VPS13A: variants seen among roughly 807,000 people sequenced by gnomAD.
VPS13A encodes intermembrane lipid transfer protein VPS13A.
A neutral mutation model predicts 390.9 loss-of-function variants in VPS13A; 264 were observed. The ratio of observed to expected loss-of-function variants is 0.68; its 90% CI spans 0.61 to 0.75. VPS13A has a LOEUF of 0.75. Ranked by LOEUF, VPS13A falls within the 30% of genes least tolerant of loss-of-function variation. The probability of loss-of-function intolerance (pLI) is 0.00; values close to 1 mark genes in which losing one functional copy is unlikely to be tolerated. For missense variants in VPS13A, 3,409 were observed against 3,733.9 expected, an observed-to-expected ratio of 0.91 and a Z score of 2.27; for synonymous variants, 1,231 against 1,227.1, an observed-to-expected ratio of 1.00 and a Z score of -0.07.
At chr9:77,313,275 G>A (rs1394514884) in intron 35 of VPS13A, among the ~76,000 whole-genome samples, 1 of 152,194 alleles carries the variant, frequency 6.6e-6, no homozygotes, top group African/African-American at 2.4e-5. Context: ...TGGCTAGCAA[G>A]TGTTAAGAGG....
At chr9:77,282,364 A>G (rs1827085254) in intron 29 of VPS13A, 90 bp downstream of exon 29, 1 of 1,208,710 alleles carries the variant, frequency 8.3e-7, no homozygotes, top group Non-Finnish European at 1.2e-6. Context: ...ATTAACTTCA[A>G]ATATTGGCTT....
At position 77,207,243 on chromosome 9, in the gene VPS13A, AT is replaced by A. The variant is rs1564630401; in HGVS notation, c.385+1165del. ...TATATATATATATATATATATATATATATATATATAAAACGTGTTATATGTA... is the reference window on the plus strand; with the variant it reads ...TATATATATATATATATATATATATAATATATATAAAACGTGTTATATGTA... On this transcript the variant is annotated intron_variant, in intron 5 of 71. Transcript: ENST00000360280. 1.1e-4 allele frequency among the ~76,000 whole-genome samples: 11 copies of A among 103,228 alleles called. 1 individual carries two copies. Among genetic ancestry groups the A allele is most frequent in the Non-Finnish European group, 1.2e-4 (6 of 48,644 alleles). 67.7% of individuals were successfully genotyped at this position (103,228 alleles called of 152,430 possible). A position where few individuals can be genotyped will look rare whatever the true frequency, so the allele number is the denominator to read the frequency against.
At chr9:77,336,676 TTTTTATATGAAACCATTTATAAGTGTAC>T (rs72320297) in intron 46 of VPS13A, among the ~76,000 whole-genome samples, 19,548 of 152,046 alleles carry the variant, frequency 0.13, 1,467 homozygotes, top group Middle Eastern at 0.24. Flanking sequence ...GATTCATGTA[TTTTTATATGAAACCATTTATAAGTGTAC>T]TTTTAAGATA....
chr9:77,379,262 CAG>C (rs1833297130), intron 67 of VPS13A, among the ~76,000 whole-genome samples: 1 of 141,726 alleles, frequency 7.1e-6, no homozygotes, highest in African/African-American at 2.7e-5. Context: ...TTTTTTGAGA[CAG>C]AGTTTCACTC....
chr9:77,399,859 C>T (rs958276157), intron 68 of VPS13A, among the ~76,000 whole-genome samples: 1 of 152,124 alleles, frequency 6.6e-6, no homozygotes, highest in Non-Finnish European at 1.5e-5. Flanking sequence ...GATACATGTA[C>T]GTACAAATAT....
At chr9:77,255,919 A>G (rs1390835323) in intron 22 of VPS13A, among the ~76,000 whole-genome samples, 4 of 151,692 alleles carry the variant, frequency 2.6e-5, no homozygotes, top group Admixed American at 2.6e-4. Flanking sequence ...AAGGTTTTCA[A>G]TCTCGATCAT....
Position 77,359,608 on chromosome 9 carries a change from G to A in VPS13A, c.8105+206G>A, listed in dbSNP as rs989605744. Among the ~76,000 whole-genome samples, 17 of 152,024 alleles carry A rather than the reference G, an allele frequency of 1.1e-4. No homozygotes were observed. In the South Asian group the frequency reaches 1.5e-3, roughly 13 times the overall value. On this transcript the variant is annotated intron_variant, in intron 58 of 71. Coordinates refer to ENST00000360280, the MANE Select transcript of VPS13A (RefSeq NM_033305.3). ...CTAGACAGGCTGATCACTTGAGGTC[G>A]GGAGTTCGAGACCAACCTGGCCAAC... is the stretch of plus-strand genomic sequence containing the variant.
chr9:77,411,159 G>C (rs1292418721), intron 71 of VPS13A, among the ~76,000 whole-genome samples: 1 of 152,096 alleles, frequency 6.6e-6, no homozygotes, highest in Non-Finnish European at 1.5e-5. Flanking sequence ...CAACTACATG[G>C]AAACTGAACA....
chr9:77,351,553 G>A (rs2131541402), intron 53 of VPS13A, 107 bp downstream of exon 53: 1 of 1,388,678 alleles, frequency 7.2e-7, no homozygotes, highest in Non-Finnish European at 1.0e-6. Context: ...GGGAGGCTGA[G>A]GTGGGCCATG....
rs1835210117 is a variant in VPS13A, at chr9:77,417,600, T to A, written c.*1594T>A. The stretch of plus-strand genomic sequence containing the variant: ...TCGCTAAGCTCCTCCAGTTTTGCTT[T>A]TGTCAGAATTAAACTTAACAGTAGA... On this transcript the variant is annotated 3_prime_UTR_variant, in exon 72 of 72. Transcript: ENST00000360280. The A allele has an allele frequency of 6.6e-6, 1 of 152,186 alleles. No individual in the cohort carries two copies. Among genetic ancestry groups the A allele is most frequent in the African/African-American group, 2.4e-5 (1 of 41,458 alleles). The allele number at this position is 152,186 out of a possible 1,614,324, so 9.4% of individuals were successfully genotyped here.
intron 24 of VPS13A, among the ~76,000 whole-genome samples, chr9:77,274,261 C>G (rs1163337440): frequency 4.6e-5 from 7 of 151,994 alleles, no homozygotes; most frequent in Non-Finnish European, 1.0e-4. Context: ...AACCCCACCT[C>G]TACTAAAAGT....
Position 77,319,562 on chromosome 9 carries a change from C to G in VPS13A, c.5314-10C>G. The G allele has an allele frequency of 6.5e-7, 1 of 1,535,448 alleles. No homozygotes were observed. Among genetic ancestry groups the G allele is most frequent in the Non-Finnish European group, 9.0e-7 (1 of 1,109,754 alleles). On this transcript the variant is annotated splice_polypyrimidine_tract_variant and intron_variant, in intron 41 of 71. Coordinates refer to ENST00000360280, the MANE Select transcript of VPS13A (RefSeq NM_033305.3). Reference sequence around the variant, plus strand: ...AAGATCATTTTTAATTTAAAAAATTCTCTCTGTAGGTGCATTATTATAATG... The same window carrying G: ...AAGATCATTTTTAATTTAAAAAATTGTCTCTGTAGGTGCATTATTATAATG...
chr9:77,365,409 T>C (rs1161574255), intron 59 of VPS13A, 51 bp from the exon 60 acceptor site: 1 of 1,188,834 alleles, frequency 8.4e-7, no homozygotes, highest in Admixed American at 1.7e-5. Context: ...TGCTTAAATA[T>C]CTCATGCAGG....
rs1830597037 is a variant in VPS13A at position 77,337,446 on chromosome 9, A to C, written c.6287A>C (p.Glu2096Ala). ...DNLTSLSVYS[E>A]DGWDLPYIMH... The stretch of plus-strand genomic sequence containing the variant: ...TTAACATCTCTATCAGTGTATTCAG[A>C]AGATGGTTGGGATTTACCATACATA... Residue 2096 changes from glutamate (E) to alanine (A), a missense_variant, in exon 47 of 72, where the codon GAA becomes GCA. Physicochemically the swap from Glu to Ala is moderately radical, Grantham distance 107 (BLOSUM62 -1). Around this residue, in one of 5 missense-constraint regions of VPS13A, gnomAD observed 2,717 missense variants for 2,917.4 expected, o/e 0.93. Transcript: ENST00000360280. 1 of 1,613,238 alleles carries C rather than the reference A, an allele frequency of 6.2e-7. No homozygotes were observed. The highest frequency in any genetic ancestry group is 8.5e-7 in the Non-Finnish European group (1 of 1,179,442).
intron 22 of VPS13A, among the ~76,000 whole-genome samples, chr9:77,258,894 G>T (rs1825603622): frequency 6.6e-6 from 1 of 152,062 alleles, no homozygotes; most frequent in African/African-American, 2.4e-5. Flanking sequence ...GAAAAAGTAG[G>T]TGATATTTCT....
chr9:77,303,135 A>G (rs1233971271), intron 34 of VPS13A, 73 bp downstream of exon 34: 1 of 1,513,072 alleles, frequency 6.6e-7, no homozygotes, highest in East Asian at 2.3e-5. Flanking sequence ...ATAAGGCATC[A>G]TTTGAGTGGA....
rs1399158968 is a variant in VPS13A at position 77,307,986 on chromosome 9, A to G, written c.4002A>G (p.Thr1334=). The change falls in exon 35 of 72, where the codon ACA becomes ACG. Residue 1334 remains threonine (T), a synonymous_variant. Coordinates refer to ENST00000360280, the MANE Select transcript of VPS13A (RefSeq NM_033305.3). The part of the protein sequence containing the change: ...SQEDITTIFK[T]LHGNIWYEKD... ...AAGATATAACAACTATTTTTAAAAC[A>G]TTGCATGGCAATATATGGTATGAAA... is the stretch of plus-strand genomic sequence containing the variant. 1 of 1,603,364 alleles carries G rather than the reference A, an allele frequency of 6.2e-7. No homozygotes were observed. Among genetic ancestry groups the G allele is most frequent in the Non-Finnish European group, 8.5e-7 (1 of 1,170,336 alleles).
At position 77,370,892 on chromosome 9, in the gene VPS13A, A is replaced by C. The variant is rs767575051; in HGVS notation, c.8910A>C (p.Gly2970=). ...ITRGGKGLVS[G]FVSGITGIVT... ...TTTCAGTTGTGTTTTCCTTCTAGGG[A>C]TTTGTTAGTGGCATAACAGGAATTG... Residue 2970 remains glycine, a splice_region_variant and synonymous_variant, in exon 66 of 72, where the codon GGA becomes GGC. Transcript: ENST00000360280. The C allele has an allele frequency of 3.7e-6, 6 of 1,613,056 alleles. No homozygotes were observed. The highest frequency in any genetic ancestry group is 2.2e-5 in the East Asian group (1 of 44,866).
chr9:77,307,076 G>T (rs1828798475), intron 34 of VPS13A, among the ~76,000 whole-genome samples: 1 of 151,900 alleles, frequency 6.6e-6, no homozygotes, highest in African/African-American at 2.4e-5. Flanking sequence ...GCTAATTTTT[G>T]TATTTTCGGT....
Sources: allele counts gnomAD v4.1 joint callset (sites outside exome capture counted in the v4.1 genomes callset), GRCh38; gene constraint gnomAD v4.1.1; regional missense constraint gnomAD v4.1.1; transcripts MANE v1.5; gene names NCBI Gene and HGNC (gene_info 2026-07-23, HGNC 2026-07-21).